The following WDR17 variants were observed in gnomAD, a reference collection of about 807,000 sequenced individuals.
The protein encoded by WDR17 is WD repeat-containing protein 17.
Under a neutral mutation model 161.7 loss-of-function variants are expected in WDR17, and 143 were observed. The ratio of observed to expected loss-of-function variants is 0.88; its 90% CI spans 0.77 to 1.02. The LOEUF (loss-of-function observed/expected upper bound fraction) is 1.02, where lower values mean the gene tolerates loss of function less well. Ranked by LOEUF, WDR17 falls within the 50% of genes least tolerant of loss-of-function variation. The pLI is 0.00. For missense variants in WDR17, 1,469 were observed against 1,520.9 expected, an observed-to-expected ratio of 0.97 and a Z score of 0.57; for synonymous variants, 517 against 515.6, an observed-to-expected ratio of 1.00 and a Z score of -0.04.
At chr4:176,159,961 A>G (rs1447482736) in intron 18 of WDR17, 33 bp from the exon 19 acceptor site, 16 of 1,536,928 alleles carry the variant, frequency 1.0e-5, no homozygotes, top group Non-Finnish European at 1.3e-5. Flanking sequence ...TCAAAATAAT[A>G]TATTGTTTAA....
chr4:176,177,677 A>G lies in WDR17; in HGVS notation c.3732+23A>G, dbSNP rs200093697. 7.1e-4 allele frequency: 1,099 copies of G among 1,556,020 alleles called. 3 individuals are homozygous for G. In the African/African-American group the frequency reaches 0.013, roughly 18 times the overall value. On this transcript the variant is annotated intron_variant, in intron 28 of 28. Transcript: ENST00000508596. ...CAGGTAAAGCCTAACATCAGACATA[A>G]CATGTGTATTTCACCATTTTACATG... is the stretch of plus-strand genomic sequence containing the variant.
Position 176,106,820 on chromosome 4 carries a change from G to T in WDR17, c.-6-4755G>T, listed in dbSNP as rs193243800. Among the ~76,000 whole-genome samples, 131 of 152,188 alleles carry T rather than the reference G, an allele frequency of 8.6e-4. 2 individuals carry two copies. Among genetic ancestry groups the T allele is most frequent in the Admixed American group, 6.4e-3 (98 of 15,280 alleles). ...ACAGAAAATAGCCAGGCATGATGGC[G>T]CATGCCTATAGGCCTAGCTACTTGG... On this transcript the variant is annotated intron_variant, in intron 1 of 28. Coordinates refer to ENST00000508596, the MANE Select transcript of WDR17 (RefSeq NM_181265.4).
intron 1 of WDR17, among the ~76,000 whole-genome samples, chr4:176,071,463 C>T (rs906593665): frequency 2.6e-5 from 4 of 152,072 alleles, no homozygotes; most frequent in African/African-American, 9.7e-5. Flanking sequence ...GCTGGGATTA[C>T]AGGCGCAGGC....
chr4:176,075,613 G>A (rs11133128), intron 1 of WDR17, among the ~76,000 whole-genome samples: 79,504 of 151,936 alleles, frequency 0.52, 22,203 homozygotes, highest in South Asian at 0.63. Context: ...TTTTTTAAGA[G>A]GAATACATGT....
At position 176,119,909 on chromosome 4, in the gene WDR17, T is replaced by C. The variant is rs771908292; in HGVS notation, c.350T>C (p.Val117Ala). ...AGTTGGTGCTGGAATGCAGAGGATG[T>C]GGTGGCATTTGTTTCCCACAGAGGC... ...SLSWCWNAEDVVAFVSHRGPL... is the reference protein window; with the variant it reads ...SLSWCWNAEDAVAFVSHRGPL... The change falls in exon 4 of 29, where the codon GTG (valine) becomes GCG (alanine). Residue 117 changes from valine to alanine, a missense_variant. By Grantham distance (64) the Val-to-Ala change is moderately conservative. Coordinates refer to ENST00000508596, the MANE Select transcript of WDR17 (RefSeq NM_181265.4). 9.9e-6 allele frequency: 16 copies of C among 1,614,144 alleles called. No individual in the cohort carries two copies. The highest frequency in any genetic ancestry group is 1.3e-5 in the Non-Finnish European group (15 of 1,180,010).
intron 1 of WDR17, among the ~76,000 whole-genome samples, chr4:176,081,311 A>G (rs1186161909): frequency 6.6e-6 from 1 of 152,070 alleles, no homozygotes; most frequent in Non-Finnish European, 1.5e-5. Context: ...ACTTTCCATC[A>G]TTCTGTCTCG....
At chr4:176,177,337 A>G (rs146964496) in intron 27 of WDR17, 134 bp from the exon 28 acceptor site, 40 of 1,010,932 alleles carry the variant, frequency 4.0e-5, no homozygotes, top group Middle Eastern at 3.1e-4. Flanking sequence ...TTGTTTTACT[A>G]TAAATTAAGT....
chr4:176,113,611 A>G lies in WDR17; in HGVS notation c.123+1908A>G, dbSNP rs572241621. Among the ~76,000 whole-genome samples the G allele has an allele frequency of 3.0e-4, 46 of 152,172 alleles. No individual in the cohort carries two copies. The South Asian group carries it at 5.4e-3, about 18-fold the overall frequency. On this transcript the variant is annotated intron_variant, in intron 2 of 28. Transcript: ENST00000508596. ...AAATGGTGACATTAATATGAAATTT[A>G]TGTTAATAAGTAGTGTTTTAAATAT...
chr4:176,127,507 G>T (rs1392461613), intron 5 of WDR17, among the ~76,000 whole-genome samples: 3 of 152,002 alleles, frequency 2.0e-5, no homozygotes, highest in Non-Finnish European at 2.9e-5. Context: ...TGTTGGCCAG[G>T]CTGGTCTCAA....
rs376132133 is a variant in WDR17, at chr4:176,116,827, G to T, written c.307+848G>T. Among the ~76,000 whole-genome samples, 6 of 151,724 alleles carry T rather than the reference G, an allele frequency of 4.0e-5. No homozygotes were observed. In the East Asian group the frequency reaches 7.7e-4, roughly 20 times the overall value. ...TAATAATAGTAAAATAATATCTTTTGTAACTTTTAGACATATTTGATATTT... is the reference window on the plus strand; with the variant it reads ...TAATAATAGTAAAATAATATCTTTTTTAACTTTTAGACATATTTGATATTT... On this transcript the variant is annotated intron_variant, in intron 3 of 28. Transcript: ENST00000508596.
intron 18 of WDR17, among the ~76,000 whole-genome samples, chr4:176,158,804 G>A (rs1748553025): frequency 6.6e-6 from 1 of 152,114 alleles, no homozygotes; most frequent in Admixed American, 6.6e-5. Context: ...CTGCCTCTTA[G>A]CCATGTAGCT....
At chr4:176,089,422 A>T (rs1349026530) in intron 1 of WDR17, among the ~76,000 whole-genome samples, 1 of 152,192 alleles carries the variant, frequency 6.6e-6, no homozygotes, top group Non-Finnish European at 1.5e-5. Context: ...GTAGTATTAT[A>T]CTACAATTTT....
chr4:176,066,314 T>A (rs946703610), intron 1 of WDR17, among the ~76,000 whole-genome samples: 2 of 152,226 alleles, frequency 1.3e-5, no homozygotes, highest in African/African-American at 4.8e-5. Context: ...AATATTTATG[T>A]ATCTAAACTA....
At position 176,162,176 on chromosome 4, in the gene WDR17, T is replaced by C; in HGVS notation, c.2850+2T>C. The C allele has an allele frequency of 6.2e-7, 1 of 1,610,596 alleles. No homozygotes were observed. The highest frequency in any genetic ancestry group is 1.1e-5 in the South Asian group (1 of 90,330). ...CATCTTGCCATAGATAATATTGAGG[T>C]ACGACATTTAAAACTGGTTTATGTG... On this transcript the variant is annotated splice_donor_variant, in intron 21 of 28. Transcript: ENST00000508596. LOFTEE classifies it high-confidence loss of function.
rs766370227 is a variant in WDR17, at chr4:176,119,937, A to C, written c.378A>C (p.Pro126=). Reference sequence around the variant, plus strand: ...TGGCATTTGTTTCCCACAGAGGCCCACTGTTCATTTGGACCATCTCAGGAC... The same window carrying C: ...TGGCATTTGTTTCCCACAGAGGCCCCCTGTTCATTTGGACCATCTCAGGAC... ...DVVAFVSHRG[P]LFIWTISGPD... The change falls in exon 4 of 29, where the codon CCA becomes CCC. Residue 126 remains proline (P), a synonymous_variant. Coordinates refer to ENST00000508596, the MANE Select transcript of WDR17 (RefSeq NM_181265.4). 1.6e-5 allele frequency: 26 copies of C among 1,613,958 alleles called. No individual in the cohort carries two copies. Among genetic ancestry groups the C allele is most frequent in the Non-Finnish European group, 1.9e-5 (23 of 1,180,006 alleles).
chr4:176,151,722 G>A lies in WDR17; in HGVS notation c.2305-90G>A, dbSNP rs6825591. Reference sequence around the variant, plus strand: ...GGAACATTTCAATTCCGCTCTATTAGTTATTTCAAAATATGCAACAAATTA... The same window carrying A: ...GGAACATTTCAATTCCGCTCTATTAATTATTTCAAAATATGCAACAAATTA... On this transcript the variant is annotated intron_variant, in intron 16 of 28. Coordinates refer to ENST00000508596, the MANE Select transcript of WDR17 (RefSeq NM_181265.4). 14,402 of 1,194,838 alleles carry A rather than the reference G, an allele frequency of 0.012. 777 individuals carry two copies. In the African/African-American group the frequency reaches 0.15, roughly 12 times the overall value. 74.0% of individuals were successfully genotyped at this position (1,194,838 alleles called of 1,614,324 possible).
intron 1 of WDR17, among the ~76,000 whole-genome samples, chr4:176,102,687 A>G (rs1203860037): frequency 6.6e-6 from 1 of 152,224 alleles, no homozygotes; most frequent in Non-Finnish European, 1.5e-5. Context: ...CCATTAAGCC[A>G]TGAAAGGCAC....
At chr4:176,167,462 C>G (rs868799212) in intron 22 of WDR17, among the ~76,000 whole-genome samples, 1 of 150,262 alleles carries the variant, frequency 6.7e-6, no homozygotes, top group African/African-American at 2.4e-5. Flanking sequence ...CTGGCTAACA[C>G]GGTGAAACCC....
At chr4:176,171,624 T>A (rs1750747862) in intron 23 of WDR17, among the ~76,000 whole-genome samples, 1 of 152,180 alleles carries the variant, frequency 6.6e-6, no homozygotes, top group African/African-American at 2.4e-5. Flanking sequence ...TTATCCACAT[T>A]GTTTAGCAAC....
Sources: allele counts gnomAD v4.1 joint callset (sites outside exome capture counted in the v4.1 genomes callset), GRCh38; gene constraint gnomAD v4.1.1; transcripts MANE v1.5; gene names NCBI Gene and HGNC (gene_info 2026-07-23, HGNC 2026-07-21).